The following KLHL29 variants were observed in gnomAD, a reference collection of about 807,000 sequenced individuals.
The protein encoded by KLHL29 is kelch-like protein 29.
A neutral mutation model predicts 80.4 loss-of-function variants in KLHL29; 21 were observed. That is an observed-to-expected ratio of 0.26 (90% confidence interval 0.19 to 0.38). KLHL29 has a LOEUF of 0.38. Ranked by LOEUF, KLHL29 falls within the 10% of genes least tolerant of loss-of-function variation. The pLI, the probability that KLHL29 is intolerant of heterozygous loss-of-function variation, is 1.00. For missense variants in KLHL29, 867 were observed against 1,223.9 expected (o/e 0.71, Z 4.35); for synonymous variants, 511 against 526.8 (o/e 0.97, Z 0.41).
intron 2 of KLHL29, among the ~76,000 whole-genome samples, chr2:23,534,347 C>T (rs1666598196): frequency 6.6e-6 from 1 of 152,054 alleles, no homozygotes; most frequent in South Asian, 2.1e-4. Context: ...AATGCCTGTT[C>T]CTTAACAGGC....
intron 1 of KLHL29, among the ~76,000 whole-genome samples, chr2:23,408,799 G>T (rs770772938): frequency 8.5e-5 from 13 of 152,084 alleles, no homozygotes; most frequent in Non-Finnish European, 1.5e-4. Context: ...ACGGCCTCTC[G>T]TTGTGTCTTC....
At position 23,693,961 on chromosome 2, in the gene KLHL29, G is replaced by A. The variant is rs13388321; in HGVS notation, c.1542+433G>A. On this transcript the variant is annotated intron_variant, in intron 8 of 13. Transcript: ENST00000486442. ...TGGGTAAACAGAGGATACAGAGAGG[G>A]CTCCCGCCCCAGATCTCGCCATTGA... 1.8e-3 allele frequency among the ~76,000 whole-genome samples: 268 copies of A among 152,336 alleles called. 1 individual carries two copies. The highest frequency in any genetic ancestry group is 6.2e-3 in the African/African-American group (257 of 41,564).
intron 1 of KLHL29, among the ~76,000 whole-genome samples, chr2:23,446,402 G>A (rs1442122543): frequency 6.6e-6 from 1 of 152,094 alleles, no homozygotes; most frequent in Non-Finnish European, 1.5e-5. Context: ...CTTGACCCAG[G>A]ACAGTGTGCC....
chr2:23,659,560 G>A (rs530690522), intron 5 of KLHL29, among the ~76,000 whole-genome samples: 2 of 152,260 alleles, frequency 1.3e-5, no homozygotes, highest in Non-Finnish European at 2.9e-5. Flanking sequence ...CGTGTCCAGC[G>A]TGAGGACAGA....
chr2:23,605,025 G>A (rs1385838702), intron 3 of KLHL29, among the ~76,000 whole-genome samples: 1 of 151,734 alleles, frequency 6.6e-6, no homozygotes. Context: ...GATCAGGCCT[G>A]ATCTGACCTG....
chr2:23,613,788 A>AAAAAAAAAAAAAAAC (rs1553344242), intron 3 of KLHL29, among the ~76,000 whole-genome samples: 7 of 147,268 alleles, frequency 4.8e-5, no homozygotes, highest in Non-Finnish European at 7.5e-5. Flanking sequence ...AAAAAAAAAA[A>AAAAAAAAAAAAAAAC]AACCCACCAC....
chr2:23,440,651 A>G (rs1663488610), intron 1 of KLHL29, among the ~76,000 whole-genome samples: 2 of 152,104 alleles, frequency 1.3e-5, no homozygotes, highest in Admixed American at 6.5e-5. Context: ...AAACAACCCC[A>G]TCAAAAAGTG....
At position 23,693,534 on chromosome 2, in the gene KLHL29, GCCTGC is replaced by G. The variant is rs776918961; in HGVS notation, c.1542+11_1542+15del. ...ACCCCGCGACACGCACACAGGTGGG[GCCTGC>G]CCTGTCCCCCGCCCCTTCTCTCTGG... On this transcript the variant is annotated splice_region_variant and intron_variant, in intron 8 of 13. Transcript: ENST00000486442. 6 of 1,545,250 alleles carry G rather than the reference GCCTGC, an allele frequency of 3.9e-6. No homozygotes were observed. Among genetic ancestry groups the G allele is most frequent in the Middle Eastern group, 3.3e-4 (2 of 6,000 alleles).
At chr2:23,430,914 T>G (rs1248638315) in intron 1 of KLHL29, among the ~76,000 whole-genome samples, 2 of 152,214 alleles carry the variant, frequency 1.3e-5, no homozygotes, top group African/African-American at 4.8e-5. Flanking sequence ...TTGAATTAAT[T>G]CTTGACAAAC....
chr2:23,408,181 A>G (rs1310896576), intron 1 of KLHL29, among the ~76,000 whole-genome samples: 2 of 136,610 alleles, frequency 1.5e-5, no homozygotes, highest in Non-Finnish European at 3.1e-5. Context: ...CATCTTCATT[A>G]TTATTATTTC....
At chr2:23,693,205 A>G in intron 7 of KLHL29, 64 bp from the exon 8 acceptor site, 3 of 1,494,008 alleles carry the variant, frequency 2.0e-6, no homozygotes, top group Non-Finnish European at 2.7e-6. Flanking sequence ...GGTGACAGCA[A>G]TGGGAACAGG....
chr2:23,550,344 G>C (rs899176664), intron 2 of KLHL29, among the ~76,000 whole-genome samples: 1 of 152,136 alleles, frequency 6.6e-6, no homozygotes, highest in Admixed American at 6.5e-5. Flanking sequence ...TGGTTTCCTG[G>C]GGAGGGATTT....
At chr2:23,654,994 T>C (rs1670204377) in intron 5 of KLHL29, among the ~76,000 whole-genome samples, 1 of 152,222 alleles carries the variant, frequency 6.6e-6, no homozygotes, top group Non-Finnish European at 1.5e-5. Flanking sequence ...AGTGGCTGTT[T>C]CGTGTCTCCT....
rs1672269370 is a variant in KLHL29, at chr2:23,700,061, T to C, written c.2106-3125T>C. 6.6e-6 allele frequency among the ~76,000 whole-genome samples: 1 copy of C among 152,196 alleles called. No homozygotes were observed. Among genetic ancestry groups the C allele is most frequent in the Non-Finnish European group, 1.5e-5 (1 of 68,020 alleles). ...CTCTCCTGTGCAAATGGACTCCACG[T>C]TCCCTCTGCACTTTGGATTCCATTT... On this transcript the variant is annotated intron_variant, in intron 11 of 13. Coordinates refer to ENST00000486442, the MANE Select transcript of KLHL29 (RefSeq NM_052920.2). This position sits in a 1 kb window ranked among gnomAD's most constrained non-coding sequence, Gnocchi z 4.6.
intron 2 of KLHL29, among the ~76,000 whole-genome samples, chr2:23,539,256 C>G (rs1435686858): frequency 6.6e-6 from 1 of 152,094 alleles, no homozygotes; most frequent in Non-Finnish European, 1.5e-5. Context: ...GGGAAGTATG[C>G]AGTGTACTGC....
chr2:23,400,161 G>A lies in KLHL29; in HGVS notation c.-154+14381G>A, dbSNP rs150063874. Among the ~76,000 whole-genome samples the A allele has an allele frequency of 6.6e-3, 1,001 of 152,276 alleles. 6 individuals carry two copies. Among genetic ancestry groups the A allele is most frequent in the Non-Finnish European group, 8.7e-3 (594 of 68,014 alleles). On this transcript the variant is annotated intron_variant, in intron 1 of 13. Transcript: ENST00000486442. Reference sequence around the variant, plus strand: ...TAACAGGTTGACGTCCCTGAGCTGTGATAGCTGCCACACCCTTCCCCAGCT... The same window carrying A: ...TAACAGGTTGACGTCCCTGAGCTGTAATAGCTGCCACACCCTTCCCCAGCT...
chr2:23,413,578 CA>C (rs1039680872), intron 1 of KLHL29, among the ~76,000 whole-genome samples: 18 of 152,162 alleles, frequency 1.2e-4, no homozygotes, highest in African/African-American at 4.3e-4. Flanking sequence ...TCTCTAATGC[CA>C]AAATGAGTCT....
In KLHL29 at chr2:23,663,829, G is replaced by T. The variant is rs138870590; in HGVS notation, c.941-20570G>T. Among the ~76,000 whole-genome samples, 3 of 152,312 alleles carry T rather than the reference G, an allele frequency of 2.0e-5. No homozygotes were observed. In the East Asian group the frequency reaches 5.8e-4, roughly 29 times the overall value. ...TGGTTGCCCTAAACTGCTGTGTCTG[G>T]AGTTTGGGCTGCTGATTCAGGTGGA... On this transcript the variant is annotated intron_variant, in intron 5 of 13. Transcript: ENST00000486442.
At chr2:23,630,418 G>A (rs1669439144) in intron 3 of KLHL29, among the ~76,000 whole-genome samples, 1 of 152,228 alleles carries the variant, frequency 6.6e-6, no homozygotes, top group Non-Finnish European at 1.5e-5. Flanking sequence ...GAGCACATCT[G>A]AAGGTCTTGT....
Sources: allele counts gnomAD v4.1 joint callset (sites outside exome capture counted in the v4.1 genomes callset), GRCh38; gene constraint gnomAD v4.1.1; non-coding constraint Gnocchi (gnomAD v3.1); transcripts MANE v1.5; gene names NCBI Gene and HGNC (gene_info 2026-07-23, HGNC 2026-07-21).